B3GALT1: variants seen among roughly 807,000 people sequenced by gnomAD.
B3GALT1 encodes UDP-Gal:betaGlcNAc beta 1,3-galactosyltransferase, polypeptide 1.
In B3GALT1, 10 loss-of-function variants were observed where a neutral mutation model predicts 23.2. The ratio of observed to expected loss-of-function variants is 0.43; its 90% CI spans 0.27 to 0.73. B3GALT1 has a LOEUF of 0.73. Ranked by LOEUF, B3GALT1 falls within the 30% of genes least tolerant of loss-of-function variation. The pLI is 0.21. For missense variants in B3GALT1, 299 were observed against 405.4 expected (o/e 0.74, Z 2.25); for synonymous variants, 156 against 141.5 (o/e 1.10, Z -0.73).
At chr2:167,835,849 A>G (rs1392784606) in intron 4 of B3GALT1, among the ~76,000 whole-genome samples, 1 of 152,122 alleles carries the variant, frequency 6.6e-6, no homozygotes, top group Non-Finnish European at 1.5e-5. Context: ...GAACGATCAG[A>G]CAGCAGCGTT....
At chr2:167,553,081 A>C (rs1394014354) in intron 2 of B3GALT1, among the ~76,000 whole-genome samples, 1 of 152,216 alleles carries the variant, frequency 6.6e-6, no homozygotes, top group Non-Finnish European at 1.5e-5. Context: ...TCATCATTAA[A>C]ATATTTAATT....
chr2:167,685,891 T>A (rs1686610611), intron 3 of B3GALT1, among the ~76,000 whole-genome samples: 1 of 152,244 alleles, frequency 6.6e-6, no homozygotes, highest in Non-Finnish European at 1.5e-5. Flanking sequence ...TTTTGTTTGC[T>A]TTCTTAAACC....
intron 2 of B3GALT1, among the ~76,000 whole-genome samples, chr2:167,566,326 G>A (rs1276789519): frequency 1.3e-5 from 2 of 150,428 alleles, no homozygotes; most frequent in Admixed American, 6.6e-5. Flanking sequence ...ACAGGAAGGG[G>A]AACATCACAC....
intron 3 of B3GALT1, among the ~76,000 whole-genome samples, chr2:167,760,274 T>C (rs1687880062): frequency 2.6e-5 from 4 of 152,218 alleles, no homozygotes; most frequent in African/African-American, 9.6e-5. Context: ...CCCCTGAAAT[T>C]TTCATAATAA....
chr2:167,645,207 C>T (rs1313827457), intron 2 of B3GALT1, among the ~76,000 whole-genome samples: 1 of 152,110 alleles, frequency 6.6e-6, no homozygotes, highest in Non-Finnish European at 1.5e-5. Flanking sequence ...GCAGAATTGA[C>T]CACCAAATGC....
chr2:167,866,434 T>C (rs1690218850), intron 4 of B3GALT1, among the ~76,000 whole-genome samples: 1 of 152,248 alleles, frequency 6.6e-6, no homozygotes, highest in Non-Finnish European at 1.5e-5. Flanking sequence ...ATTCTGTTTC[T>C]GTTTGTCCAA....
At chr2:167,529,333 T>A (rs568213885) in intron 2 of B3GALT1, among the ~76,000 whole-genome samples, 1 of 151,970 alleles carries the variant, frequency 6.6e-6, no homozygotes, top group African/African-American at 2.4e-5. Context: ...GATTTTCTTA[T>A]CATATGTACC....
intron 2 of B3GALT1, among the ~76,000 whole-genome samples, chr2:167,539,059 A>G (rs1237508): frequency 0.57 from 86,741 of 152,052 alleles, 28,830 homozygotes; most frequent in East Asian, 0.99. Flanking sequence ...GTTATAAAAA[A>G]ATAAATACAC....
In B3GALT1 at chr2:167,822,815, A is replaced by T. The variant is rs368006751; in HGVS notation, c.-230+4022A>T. Among the ~76,000 whole-genome samples, 47 of 152,196 alleles carry T rather than the reference A, an allele frequency of 3.1e-4. 1 individual carries two copies. Among genetic ancestry groups the T allele is most frequent in the African/African-American group, 1.1e-3 (46 of 41,532 alleles). ...TGAAAATTAAGCTCCTTCTTCCCTT[A>T]CCCGAGGGCACTTTTTACTAATCTT... On this transcript the variant is annotated intron_variant, in intron 4 of 4. Coordinates refer to ENST00000392690, the MANE Select transcript of B3GALT1 (RefSeq NM_020981.4).
At chr2:167,664,357 T>C (rs1477272854) in intron 3 of B3GALT1, among the ~76,000 whole-genome samples, 2 of 151,600 alleles carry the variant, frequency 1.3e-5, no homozygotes, top group African/African-American at 4.9e-5. Flanking sequence ...CTGTTTTGGT[T>C]ACTGTAGCTT....
intron 2 of B3GALT1, among the ~76,000 whole-genome samples, chr2:167,597,207 C>T (rs891148998): frequency 1.3e-5 from 2 of 151,618 alleles, no homozygotes; most frequent in African/African-American, 4.8e-5. Context: ...ACTCCGCCTT[C>T]CGGGTTCATG....
At chr2:167,535,358 C>A (rs1683398321) in intron 2 of B3GALT1, among the ~76,000 whole-genome samples, 1 of 152,004 alleles carries the variant, frequency 6.6e-6, no homozygotes, top group South Asian at 2.1e-4. Context: ...TGTGTACCAG[C>A]CCATCATGGG....
intron 1 of B3GALT1, among the ~76,000 whole-genome samples, chr2:167,405,337 G>C (rs1391182475): frequency 6.6e-6 from 1 of 152,124 alleles, no homozygotes; most frequent in African/African-American, 2.4e-5. Flanking sequence ...AATCCTAAAT[G>C]TGTCCAATTT....
At chr2:167,619,426 G>A (rs1441136201) in intron 2 of B3GALT1, among the ~76,000 whole-genome samples, 1 of 152,002 alleles carries the variant, frequency 6.6e-6, no homozygotes, top group Non-Finnish European at 1.5e-5. Context: ...ACTGCATGGG[G>A]ACAGGGACTA....
At chr2:167,369,733 A>G (rs955344044) in intron 1 of B3GALT1, among the ~76,000 whole-genome samples, 4 of 152,198 alleles carry the variant, frequency 2.6e-5, no homozygotes, top group African/African-American at 9.7e-5. Flanking sequence ...CGGCATGTGC[A>G]GCAGCCAACA....
At chr2:167,340,861 G>A (rs375796102) in intron 1 of B3GALT1, among the ~76,000 whole-genome samples, 6 of 152,118 alleles carry the variant, frequency 3.9e-5, no homozygotes, top group South Asian at 2.1e-4. Flanking sequence ...AAAGAAACAG[G>A]CACTCAATGA....
intron 1 of B3GALT1, among the ~76,000 whole-genome samples, chr2:167,294,790 G>A (rs371241921): frequency 2.0e-5 from 3 of 152,038 alleles, no homozygotes; most frequent in South Asian, 4.1e-4. Context: ...CTTGAACTGG[G>A]GACAGCATTT....
chr2:167,491,770 A>AAGT (rs1421228800), intron 2 of B3GALT1, among the ~76,000 whole-genome samples: 22 of 151,704 alleles, frequency 1.5e-4, no homozygotes, highest in Non-Finnish European at 2.5e-4. Flanking sequence ...AGCCAAGATC[A>AAGT]CACCACTGCA....
chr2:167,710,481 C>T (rs538203701), intron 3 of B3GALT1, among the ~76,000 whole-genome samples: 4 of 152,162 alleles, frequency 2.6e-5, no homozygotes, highest in Non-Finnish European at 4.4e-5. Context: ...TGAAACTGCT[C>T]GGGAAGTTTC....
Sources: gnomAD v4.1 joint callset for allele counts (sites outside exome capture counted in the v4.1 genomes callset) on GRCh38, gnomAD v4.1.1 for gene constraint, MANE v1.5 for transcripts, NCBI Gene and HGNC (gene_info 2026-07-23, HGNC 2026-07-21) for gene names.